Variants in ADAM10 observed in about 807,000 individuals in gnomAD.
ADAM10 encodes the protein ADAM metallopeptidase domain 10, also known as disintegrin and metalloproteinase domain-containing protein 10.
Under a neutral mutation model 90.1 loss-of-function variants are expected in ADAM10, and 17 were observed. The ratio of observed to expected loss-of-function variants is 0.19; its 90% CI spans 0.13 to 0.28. The LOEUF (loss-of-function observed/expected upper bound fraction) is 0.28. Ranked by LOEUF, ADAM10 falls within the 10% of genes least tolerant of loss-of-function variation. The pLI, the probability that ADAM10 is intolerant of heterozygous loss-of-function variation, is 1.00. For synonymous variants in ADAM10, 310 were observed against 298.6 expected (o/e 1.04, Z -0.40); for missense variants, 610 against 914.3 (o/e 0.67, Z 4.29).
At chr15:58,610,697 A>T (rs1284214344) in intron 13 of ADAM10, 180 bp from the exon 14 acceptor site, 11 of 696,954 alleles carry the variant, frequency 1.6e-5, no homozygotes, top group Non-Finnish European at 2.0e-5. Flanking sequence ...TAAATGTTAC[A>T]ATGTAAACAA....
intron 11 of ADAM10, among the ~76,000 whole-genome samples, chr15:58,619,946 A>G (rs1284970809): frequency 6.6e-6 from 1 of 152,024 alleles, no homozygotes; most frequent in African/African-American, 2.4e-5. Context: ...CTACTAAGCC[A>G]AACAGTCAAG....
Position 58,593,169 on chromosome 15 carries a change from T to A in ADAM10, c.*4378A>T, listed in dbSNP as rs1227916859. On this transcript the variant is annotated 3_prime_UTR_variant, in exon 16 of 16. Coordinates refer to ENST00000260408, the MANE Select transcript of ADAM10 (RefSeq NM_001110.4). ...CTCAAATTTTTTTTTTTTTTTTTTT[T>A]TTTTTTTTTTTTTTTTTTTTTTTTT... The A allele has an allele frequency of 6.8e-5, 3 of 44,142 alleles. No individual in the cohort carries two copies. Among genetic ancestry groups the A allele is most frequent in the African/African-American group, 7.9e-5 (1 of 12,726 alleles). The allele number at this position is 44,142 out of a possible 1,614,324, so 2.7% of individuals were successfully genotyped here.
At chr15:58,634,536 A>C (rs901316070) in intron 8 of ADAM10, among the ~76,000 whole-genome samples, 3 of 152,232 alleles carry the variant, frequency 2.0e-5, no homozygotes, top group Non-Finnish European at 4.4e-5. Context: ...GTGCTTTCAC[A>C]GCTAAAATCA....
At chr15:58,639,079 G>GA (rs77792505) in intron 8 of ADAM10, among the ~76,000 whole-genome samples, 21,575 of 152,152 alleles carry the variant, frequency 0.14, 1,809 homozygotes, top group South Asian at 0.33. Flanking sequence ...CAAAATGGCA[G>GA]AAAGTTTTTA....
intron 5 of ADAM10, among the ~76,000 whole-genome samples, chr15:58,657,897 T>TTC (rs1353367562): frequency 6.6e-6 from 1 of 151,682 alleles, no homozygotes; most frequent in African/African-American, 2.4e-5. Context: ...TGTTTTTTTT[T>TTC]TTTTCTTAAC....
At chr15:58,702,730 G>T (rs1051256066) in intron 2 of ADAM10, among the ~76,000 whole-genome samples, 4 of 152,162 alleles carry the variant, frequency 2.6e-5, no homozygotes, top group African/African-American at 9.7e-5. Flanking sequence ...TAGCAGTGCA[G>T]ATAATTTAAA....
intron 1 of ADAM10, among the ~76,000 whole-genome samples, chr15:58,729,348 T>C (rs1020277383): frequency 2.0e-5 from 3 of 152,356 alleles, no homozygotes; most frequent in South Asian, 2.1e-4. Context: ...GTATCTAGCA[T>C]TTTACAATTT....
At chr15:58,667,145 A>G (rs546060904) in intron 4 of ADAM10, among the ~76,000 whole-genome samples, 1 of 152,282 alleles carries the variant, frequency 6.6e-6, no homozygotes, top group East Asian at 1.9e-4. Context: ...TTCACAAACA[A>G]TGAGTCATGG....
At chr15:58,623,419 A>C (rs1044412817) in intron 10 of ADAM10, among the ~76,000 whole-genome samples, 1 of 152,196 alleles carries the variant, frequency 6.6e-6, no homozygotes, top group African/African-American at 2.4e-5. Context: ...TGAAAGCAGA[A>C]AGTTCATTCT....
At chr15:58,733,602 G>A (rs1899329172) in intron 1 of ADAM10, among the ~76,000 whole-genome samples, 4 of 152,116 alleles carry the variant, frequency 2.6e-5, no homozygotes, top group Non-Finnish European at 5.9e-5. Context: ...TTTTATATAA[G>A]GGACTTGAGC....
intron 1 of ADAM10, among the ~76,000 whole-genome samples, chr15:58,733,905 T>TTATATA (rs144421848): frequency 1.4e-5 from 2 of 148,140 alleles, no homozygotes; most frequent in East Asian, 2.0e-4. Context: ...TTTCATTACA[T>TTATATA]TATATATATA....
chr15:58,608,731 A>C (rs750996449), intron 14 of ADAM10, among the ~76,000 whole-genome samples: 7 of 152,198 alleles, frequency 4.6e-5, no homozygotes, highest in Non-Finnish European at 8.8e-5. Context: ...AAAGGTCTTA[A>C]AAATACTTAA....
At chr15:58,717,541 G>A in intron 2 of ADAM10, 36 bp downstream of exon 2, 1 of 1,612,912 alleles carries the variant, frequency 6.2e-7, no homozygotes, top group Non-Finnish European at 8.5e-7. Flanking sequence ...TGAATATAGA[G>A]GAACTTCAGA....
chr15:58,627,643 C>G (rs746798772), intron 10 of ADAM10, 57 bp downstream of exon 10: 156 of 1,509,160 alleles, frequency 1.0e-4, no homozygotes, highest in Non-Finnish European at 1.4e-4. Context: ...AGAATTCTTT[C>G]AAGTTGTCTG....
chr15:58,711,133 G>A (rs185962332), intron 2 of ADAM10, among the ~76,000 whole-genome samples: 194 of 152,244 alleles, frequency 1.3e-3, no homozygotes, highest in Admixed American at 3.1e-3. Context: ...GCTACAGGAA[G>A]AATTACCTTG....
intron 4 of ADAM10, among the ~76,000 whole-genome samples, chr15:58,673,225 G>T (rs1214517274): frequency 6.6e-6 from 1 of 152,128 alleles, no homozygotes; most frequent in African/African-American, 2.4e-5. Context: ...GCCTGAAACA[G>T]TATGAGAGCT....
At chr15:58,744,561 G>A (rs568385457) in intron 1 of ADAM10, among the ~76,000 whole-genome samples, 11 of 152,132 alleles carry the variant, frequency 7.2e-5, no homozygotes, top group Admixed American at 5.2e-4. Flanking sequence ...GTCATTTCTG[G>A]AAAAATTAAA....
At chr15:58,599,823 T>C (rs1038369485) in intron 14 of ADAM10, 99 bp from the exon 15 acceptor site, 61 of 1,226,512 alleles carry the variant, frequency 5.0e-5, no homozygotes, top group Admixed American at 7.7e-5. Context: ...ACACAGTATA[T>C]TGTAATTTTT....
intron 1 of ADAM10, among the ~76,000 whole-genome samples, chr15:58,739,758 A>C (rs150345437): frequency 6.6e-6 from 1 of 152,274 alleles, no homozygotes; most frequent in Non-Finnish European, 1.5e-5. Context: ...TCACTTTCTA[A>C]TTTTACTACA....
Sources: allele counts gnomAD v4.1 joint callset (sites outside exome capture counted in the v4.1 genomes callset), GRCh38; gene constraint gnomAD v4.1.1; transcripts MANE v1.5; gene names NCBI Gene and HGNC (gene_info 2026-07-23, HGNC 2026-07-21).